Variants in PCDH15 observed in about 807,000 individuals in gnomAD.
PCDH15 encodes the protein protocadherin related 15, also known as protocadherin-15.
In PCDH15, 129 loss-of-function variants were observed where a neutral mutation model predicts 178.5. The ratio of observed to expected loss-of-function variants is 0.72; its 90% CI spans 0.63 to 0.84. The LOEUF (loss-of-function observed/expected upper bound fraction) is 0.84, where lower values mean the gene tolerates loss of function less well. PCDH15 is among the 40% of genes least tolerant of loss of function. The pLI is 0.00. For missense variants in PCDH15, 2,230 were observed against 2,099.9 expected, an observed-to-expected ratio of 1.06 and a Z score of -1.21; for synonymous variants, 800 against 732.0, an observed-to-expected ratio of 1.09 and a Z score of -1.50.
chr10:55,303,180 G>C (rs756165309), intron 1 of PCDH15, among the ~76,000 whole-genome samples: 8 of 152,038 alleles, frequency 5.3e-5, no homozygotes, highest in Non-Finnish European at 1.2e-4. Flanking sequence ...ATTTCTGTAA[G>C]TGATTATGGG....
rs572035267 is a variant in PCDH15, at chr10:54,170,009, T to C, written c.1590+13435A>G. 6.7e-5 allele frequency among the ~76,000 whole-genome samples: 10 copies of C among 150,026 alleles called. No homozygotes were observed. In the East Asian group the frequency reaches 1.4e-3, roughly 20 times the overall value. On this transcript the variant is annotated intron_variant, in intron 13 of 37. Transcript: ENST00000644397. Reference sequence around the variant, plus strand: ...ATTATTCTGTTCTAGATCTCAAACATGCTTTCTTTACTATTCCTTTGCACC... The same window carrying C: ...ATTATTCTGTTCTAGATCTCAAACACGCTTTCTTTACTATTCCTTTGCACC...
intron 2 of PCDH15, among the ~76,000 whole-genome samples, chr10:54,935,761 T>G (rs1236573050): frequency 6.6e-6 from 1 of 152,098 alleles, no homozygotes; most frequent in East Asian, 1.9e-4. Context: ...GCCTCTGAAT[T>G]TTTTTATACT....
chr10:54,915,956 G>C (rs1245338503), intron 2 of PCDH15, among the ~76,000 whole-genome samples: 1 of 152,130 alleles, frequency 6.6e-6, no homozygotes, highest in Non-Finnish European at 1.5e-5. Flanking sequence ...AGCCTCCCAA[G>C]TAGCTCAGCT....
At chr10:54,441,529 A>G (rs910423528) in intron 3 of PCDH15, among the ~76,000 whole-genome samples, 9 of 151,870 alleles carry the variant, frequency 5.9e-5, no homozygotes, top group Non-Finnish European at 5.9e-5. Context: ...GGCGACATTT[A>G]AGTCTTGACA....
At chr10:53,827,604 C>T in intron 31 of PCDH15, 56 bp from the exon 32 acceptor site, 1 of 1,594,616 alleles carries the variant, frequency 6.3e-7, no homozygotes, top group Non-Finnish European at 8.6e-7. Flanking sequence ...TAATGCTTAT[C>T]AATAAGCCAC....
intron 1 of PCDH15, among the ~76,000 whole-genome samples, chr10:54,718,256 TATAATA>T (rs911397795): frequency 1.3e-5 from 2 of 148,216 alleles, no homozygotes; most frequent in East Asian, 2.0e-4. Flanking sequence ...AAACTTGAAG[TATAATA>T]ATAATAATAA....
chr10:54,101,691 G>T (rs542203020), intron 15 of PCDH15, among the ~76,000 whole-genome samples: 1 of 152,274 alleles, frequency 6.6e-6, no homozygotes, highest in South Asian at 2.1e-4. Context: ...TCTCAGCTAG[G>T]CGCAGTGGCT....
intron 2 of PCDH15, among the ~76,000 whole-genome samples, chr10:54,997,652 G>A (rs553694475): frequency 2.0e-5 from 3 of 152,038 alleles, no homozygotes; most frequent in East Asian, 1.9e-4. Context: ...CTAAATCTTC[G>A]GAATTATTGG....
At chr10:54,925,999 T>C (rs1837614398) in intron 2 of PCDH15, among the ~76,000 whole-genome samples, 1 of 152,144 alleles carries the variant, frequency 6.6e-6, no homozygotes, top group South Asian at 2.1e-4. Flanking sequence ...ATAGGAGTAG[T>C]GAAAGAAGGC....
chr10:55,281,742 A>AT, intron 1 of PCDH15, among the ~76,000 whole-genome samples: 1 of 152,294 alleles, frequency 6.6e-6, no homozygotes, highest in South Asian at 2.1e-4. Flanking sequence ...CAGTGAAAAC[A>AT]TATGAAACCA....
At chr10:54,273,144 G>T (rs1028292057) in intron 8 of PCDH15, among the ~76,000 whole-genome samples, 2 of 152,028 alleles carry the variant, frequency 1.3e-5, no homozygotes, top group East Asian at 1.9e-4. Context: ...TAATGCTGTT[G>T]TTTGTGAACT....
At chr10:54,690,356 C>T (rs1328820197) in intron 1 of PCDH15, among the ~76,000 whole-genome samples, 1 of 134,148 alleles carries the variant, frequency 7.5e-6, no homozygotes, top group African/African-American at 2.9e-5. Context: ...TGTTGCCAGG[C>T]TGGGCTGGAG....
chr10:55,598,035 C>T (rs1215901619), intron 2 of PCDH15, among the ~76,000 whole-genome samples: 2 of 152,038 alleles, frequency 1.3e-5, no homozygotes, highest in African/African-American at 4.8e-5. Flanking sequence ...ACACTTTGCT[C>T]GACCACACCC....
At chr10:55,218,572 A>C (rs1192480982) in intron 1 of PCDH15, among the ~76,000 whole-genome samples, 2 of 152,064 alleles carry the variant, frequency 1.3e-5, no homozygotes, top group African/African-American at 4.8e-5. Context: ...CATGTGGAGC[A>C]CTTGATCTAC....
At chr10:54,607,600 G>T (rs986996534) in intron 2 of PCDH15, among the ~76,000 whole-genome samples, 1 of 152,132 alleles carries the variant, frequency 6.6e-6, no homozygotes, top group South Asian at 2.1e-4. Context: ...GTTAAGAGTA[G>T]AAATCAACCC....
intron 11 of PCDH15, among the ~76,000 whole-genome samples, chr10:54,190,566 C>G (rs1281517450): frequency 6.6e-6 from 1 of 152,144 alleles, no homozygotes; most frequent in African/African-American, 2.4e-5. Flanking sequence ...CCATGCCTGG[C>G]TAAGTTTTTT....
In PCDH15 at chr10:54,346,969, A is replaced by G. The variant is rs190937120; in HGVS notation, c.475-485T>C. 1.4e-3 allele frequency among the ~76,000 whole-genome samples: 207 copies of G among 152,346 alleles called. 1 individual carries two copies. Among genetic ancestry groups the G allele is most frequent in the African/African-American group, 2.7e-3 (114 of 41,586 alleles). ...GGAGACAATGAATAGTCTGTATATTAGAGGAAAATACTGGGAGTTTCTTGA... is the reference window on the plus strand; with the variant it reads ...GGAGACAATGAATAGTCTGTATATTGGAGGAAAATACTGGGAGTTTCTTGA... On this transcript the variant is annotated intron_variant, in intron 5 of 37. Coordinates refer to ENST00000644397, the MANE Select transcript of PCDH15 (RefSeq NM_001384140.1).
At chr10:55,445,622 G>A (rs916804348) in intron 2 of PCDH15, among the ~76,000 whole-genome samples, 2 of 152,044 alleles carry the variant, frequency 1.3e-5, no homozygotes, top group African/African-American at 4.8e-5. Context: ...AGAGTTGTTT[G>A]GGATTCCAGT....
chr10:53,820,972 T>G, intron 32 of PCDH15: 2 of 436,592 alleles, frequency 4.6e-6, no homozygotes, highest in Non-Finnish European at 6.1e-6. Flanking sequence ...AAACTGAAGA[T>G]CATACTTTCT....
Sources: allele counts gnomAD v4.1 joint callset (sites outside exome capture counted in the v4.1 genomes callset), GRCh38; gene constraint gnomAD v4.1.1; transcripts MANE v1.5; gene names NCBI Gene and HGNC (gene_info 2026-07-23, HGNC 2026-07-21).